The following SH3BGRL variants were observed in gnomAD, a reference collection of about 807,000 sequenced individuals.
SH3BGRL encodes adapter SH3BGRL.
A neutral mutation model predicts 9.8 loss-of-function variants in SH3BGRL; 7 were observed. That is an observed-to-expected ratio of 0.72 (90% CI 0.41 to 1.35). The LOEUF is 1.35. Ranked by LOEUF, SH3BGRL falls within the 40% of genes most tolerant of loss-of-function variation. The pLI, the probability that SH3BGRL is intolerant of heterozygous loss-of-function variation, is 0.01. For synonymous variants in SH3BGRL, 36 were observed against 29.1 expected (o/e 1.24, Z -0.76); for missense variants, 73 against 84.4 (o/e 0.86, Z 0.53).
rs1342350374 is a variant in SH3BGRL at position 81,298,154 on chromosome X, T to C, written c.*927T>C. 8.9e-6 allele frequency: 1 copy of C among 111,979 alleles called. No homozygotes were observed. Among genetic ancestry groups the C allele is most frequent in the Non-Finnish European group, 1.9e-5 (1 of 52,929 alleles). 9.2% of individuals were successfully genotyped at this position (111,979 alleles called of 1,213,427 possible). A position where few individuals can be genotyped will look rare whatever the true frequency, so the allele number is the denominator to read the frequency against. On this transcript the variant is annotated 3_prime_UTR_variant, in exon 4 of 4. Coordinates refer to ENST00000373212, the MANE Select transcript of SH3BGRL (RefSeq NM_003022.3). ...CAACTCACAATCGTAAATGCTACTA[T>C]TCCTAAGATATCTTACCTTTTTATT...
At chrX:81,265,901 C>T (rs1012831233) in intron 1 of SH3BGRL, among the ~76,000 whole-genome samples, 3 of 111,717 alleles carry the variant, frequency 2.7e-5, no homozygotes, top group East Asian at 2.8e-4. Context: ...GATCGCCATT[C>T]TAACTGGCGA....
chrX:81,267,382 C>G (rs2075761032), intron 1 of SH3BGRL, among the ~76,000 whole-genome samples: 1 of 111,529 alleles, frequency 9.0e-6, no homozygotes, highest in African/African-American at 3.3e-5. Context: ...ATACGTTTCA[C>G]TGATACCTAG....
intron 3 of SH3BGRL, among the ~76,000 whole-genome samples, chrX:81,281,893 G>A (rs1484586710): frequency 2.7e-5 from 3 of 112,077 alleles, no homozygotes; most frequent in Non-Finnish European, 5.6e-5. Context: ...ATACAGAACT[G>A]CAGAATGGAT....
chrX:81,297,045 A>C (rs910241541), intron 3 of SH3BGRL, 150 bp from the exon 4 acceptor site: 12 of 366,195 alleles, frequency 3.3e-5, no homozygotes, highest in African/African-American at 3.1e-4. Flanking sequence ...TGTATTATAT[A>C]GTTTTTCTAT....
At chrX:81,229,708 C>T (rs1379180219) in intron 1 of SH3BGRL, among the ~76,000 whole-genome samples, 2 of 111,748 alleles carry the variant, frequency 1.8e-5, no homozygotes, top group African/African-American at 3.3e-5. Context: ...CATCCAGCTG[C>T]TTGTGTGTTC....
chrX:81,254,891 G>GTTTT (rs762259496), intron 1 of SH3BGRL, among the ~76,000 whole-genome samples: 1 of 96,440 alleles, frequency 1.0e-5, no homozygotes. Flanking sequence ...TCTTTCTTAA[G>GTTTT]TTTTTTTTTT....
At chrX:81,278,832 T>C (rs909537880) in intron 3 of SH3BGRL, among the ~76,000 whole-genome samples, 3 of 112,162 alleles carry the variant, frequency 2.7e-5, no homozygotes, top group African/African-American at 9.7e-5. Context: ...TTCAAGTTAA[T>C]TAAGAGCATC....
At chrX:81,273,475 T>G (rs957773288) in intron 1 of SH3BGRL, among the ~76,000 whole-genome samples, 1 of 112,399 alleles carries the variant, frequency 8.9e-6, no homozygotes, top group East Asian at 2.8e-4. Flanking sequence ...ACAAAGTTCA[T>G]TGAGAGTCAC....
At chrX:81,209,154 T>C (rs1026123240) in intron 1 of SH3BGRL, among the ~76,000 whole-genome samples, 1 of 109,077 alleles carries the variant, frequency 9.2e-6, no homozygotes, top group African/African-American at 3.4e-5. Flanking sequence ...ACCACAGACA[T>C]GCACCACCAG....
rs773071850 is a variant in SH3BGRL, at chrX:81,253,445, C to T, written c.46-23539C>T. Among the ~76,000 whole-genome samples the T allele has an allele frequency of 3.6e-5, 4 of 111,486 alleles. No individual in the cohort carries two copies. The East Asian group carries it at 1.1e-3, about 31-fold the overall frequency. Reference sequence around the variant, plus strand: ...CATGGATCACTGCAGCCTCAATTTCCTGGCCTCAAGCAAACCTCTCACCTT... The same window carrying T: ...CATGGATCACTGCAGCCTCAATTTCTTGGCCTCAAGCAAACCTCTCACCTT... On this transcript the variant is annotated intron_variant, in intron 1 of 3. Coordinates refer to ENST00000373212, the MANE Select transcript of SH3BGRL (RefSeq NM_003022.3).
intron 1 of SH3BGRL, among the ~76,000 whole-genome samples, chrX:81,213,423 G>T (rs5959850): frequency 0.028 from 3,094 of 111,936 alleles, 102 homozygotes; most frequent in African/African-American, 0.095. Flanking sequence ...CATTATGCTA[G>T]GTAAAAGCAT....
At chrX:81,205,500 G>GTA (rs1268394517) in intron 1 of SH3BGRL, among the ~76,000 whole-genome samples, 2 of 87,523 alleles carry the variant, frequency 2.3e-5, no homozygotes, top group African/African-American at 1.0e-4. Flanking sequence ...GTGTGTGTGT[G>GTA]TGTGTATATA....
At chrX:81,273,638 T>A (rs1384582471) in intron 1 of SH3BGRL, among the ~76,000 whole-genome samples, 3 of 91,579 alleles carry the variant, frequency 3.3e-5, no homozygotes, top group African/African-American at 1.3e-4. Flanking sequence ...AATTCCCACT[T>A]TGGTTAAATG....
At chrX:81,224,165 G>C (rs1047126157) in intron 1 of SH3BGRL, among the ~76,000 whole-genome samples, 5 of 112,036 alleles carry the variant, frequency 4.5e-5, no homozygotes, top group African/African-American at 1.6e-4. Context: ...TATACTGCTT[G>C]TTGTTGTAGA....
intron 1 of SH3BGRL, among the ~76,000 whole-genome samples, chrX:81,230,582 G>T (rs747520793): frequency 1.8e-5 from 2 of 112,186 alleles, no homozygotes; most frequent in Admixed American, 1.9e-4. Context: ...AATTATCTTG[G>T]CATATTTGAG....
chrX:81,239,582 G>A (rs1159964593), intron 1 of SH3BGRL, among the ~76,000 whole-genome samples: 1 of 111,520 alleles, frequency 9.0e-6, no homozygotes, highest in East Asian at 2.8e-4. Context: ...AGGAGGTAGA[G>A]AAAGAGATAG....
At position 81,250,494 on chromosome X, in the gene SH3BGRL, G is replaced by C. The variant is rs73634735; in HGVS notation, c.46-26490G>C. Reference sequence around the variant, plus strand: ...TGATTATTTCCCTTCCTGGTCTCACGCATAATACTTTGGTATAACCCAAGT... The same window carrying C: ...TGATTATTTCCCTTCCTGGTCTCACCCATAATACTTTGGTATAACCCAAGT... On this transcript the variant is annotated intron_variant, in intron 1 of 3. Transcript: ENST00000373212. Among the ~76,000 whole-genome samples the C allele has an allele frequency of 9.3e-3, 1,032 of 111,348 alleles. 9 individuals carry two copies. The highest frequency in any genetic ancestry group is 0.031 in the African/African-American group (965 of 30,683).
chrX:81,255,584 A>G (rs1256183679), intron 1 of SH3BGRL: 1 of 112,231 alleles, frequency 8.9e-6, no homozygotes, highest in Admixed American at 9.4e-5. Flanking sequence ...CATTTCAGTG[A>G]ATTTGAACAA....
chrX:81,214,696 A>G (rs1458241104), intron 1 of SH3BGRL, among the ~76,000 whole-genome samples: 1 of 112,224 alleles, frequency 8.9e-6, no homozygotes, highest in Non-Finnish European at 1.9e-5. Context: ...GAATAATTTT[A>G]TCAGACAAAT....
Sources: allele counts gnomAD v4.1 joint callset (sites outside exome capture counted in the v4.1 genomes callset), GRCh38; gene constraint gnomAD v4.1.1; transcripts MANE v1.5; gene names NCBI Gene and HGNC (gene_info 2026-07-23, HGNC 2026-07-21).